Variants in PCDH7 observed in about 807,000 individuals in gnomAD.
PCDH7 encodes the protein protocadherin-7.
A neutral mutation model predicts 58.9 loss-of-function variants in PCDH7; 17 were observed. The ratio of observed to expected loss-of-function variants is 0.29; its 90% CI spans 0.20 to 0.43. The LOEUF (loss-of-function observed/expected upper bound fraction) is 0.43, where lower values mean the gene tolerates loss of function less well. Ranked by LOEUF, PCDH7 falls within the 20% of genes least tolerant of loss-of-function variation. PCDH7 has a pLI of 1.00. For missense variants in PCDH7, 1,274 were observed against 1,441.0 expected (o/e 0.88, Z 1.88); for synonymous variants, 664 against 616.4 (o/e 1.08, Z -1.14).
intron 2 of PCDH7, among the ~76,000 whole-genome samples, chr4:30,949,793 T>A (rs1313903568): frequency 6.6e-6 from 1 of 151,970 alleles, no homozygotes; most frequent in Non-Finnish European, 1.5e-5. Flanking sequence ...CATCTTATAG[T>A]TTTTTTCTGT....
rs931062234 is a variant in PCDH7 at position 31,014,041 on chromosome 4, T to C, written c.*7+63826T>C. Among the ~76,000 whole-genome samples the C allele has an allele frequency of 3.3e-5, 5 of 152,070 alleles. No homozygotes were observed. In the East Asian group the frequency reaches 9.6e-4, roughly 29 times the overall value. On this transcript the variant is annotated intron_variant, in intron 3 of 3. Transcript: ENST00000509759. The stretch of plus-strand genomic sequence containing the variant: ...AAGACTTTGGAATAAAATAGACAAA[T>C]AATTATGATTTTGGGGATAGTAAAT...
chr4:30,916,536 T>G (rs546244787), intron 1 of PCDH7, among the ~76,000 whole-genome samples: 93 of 152,348 alleles, frequency 6.1e-4, no homozygotes, highest in African/African-American at 2.2e-3. Flanking sequence ...TCACTCTTCC[T>G]CAAGCTCTTT....
intron 1 of PCDH7, among the ~76,000 whole-genome samples, chr4:30,825,967 G>T (rs1203016781): frequency 6.6e-6 from 1 of 152,000 alleles, no homozygotes; most frequent in Non-Finnish European, 1.5e-5. Context: ...GGATATAGAA[G>T]CTGTTCTCGC....
chr4:31,060,003 A>G (rs969094102), intron 3 of PCDH7, among the ~76,000 whole-genome samples: 15 of 151,742 alleles, frequency 9.9e-5, no homozygotes, highest in Non-Finnish European at 3.0e-5. Flanking sequence ...AATCATTATG[A>G]TGCCAGCTTT....
chr4:30,736,468 G>A (rs1427084558), downstream of PCDH7, among the ~76,000 whole-genome samples: 10 of 151,068 alleles, frequency 6.6e-5, no homozygotes, highest in Admixed American at 6.6e-4. Context: ...TAATAGGCCT[G>A]TGATTTTTAT....
At chr4:30,853,598 G>A (rs1308774733) in intron 1 of PCDH7, among the ~76,000 whole-genome samples, 1 of 152,038 alleles carries the variant, frequency 6.6e-6, no homozygotes, top group Non-Finnish European at 1.5e-5. Flanking sequence ...ACATGTTAGG[G>A]TATCACTAAG....
intron 3 of PCDH7, among the ~76,000 whole-genome samples, chr4:31,128,799 A>T (rs900290381): frequency 6.6e-6 from 1 of 152,162 alleles, no homozygotes; most frequent in East Asian, 1.9e-4. Context: ...AAACACTTCC[A>T]TGGGTTATTC....
chr4:30,769,937 CTT>C (rs1721191690), intron 1 of PCDH7, among the ~76,000 whole-genome samples: 1 of 152,164 alleles, frequency 6.6e-6, no homozygotes, highest in Admixed American at 6.5e-5. Context: ...ATCCTTTGTG[CTT>C]TGCACCATTA....
At chr4:30,735,016 CCTT>C (rs1247105118), downstream of PCDH7, among the ~76,000 whole-genome samples, 3 of 152,070 alleles carry the variant, frequency 2.0e-5, no homozygotes, top group East Asian at 1.9e-4. Flanking sequence ...TCCCCGCTTC[CCTT>C]CTTCTCCTTG....
At chr4:31,075,754 A>G (rs953752908) in intron 3 of PCDH7, among the ~76,000 whole-genome samples, 2 of 152,196 alleles carry the variant, frequency 1.3e-5, no homozygotes, top group Non-Finnish European at 2.9e-5. Flanking sequence ...AAATTCAACT[A>G]GGAATGTGAT....
intron 1 of PCDH7, among the ~76,000 whole-genome samples, chr4:30,911,826 G>C (rs1021972381): frequency 1.3e-5 from 2 of 151,942 alleles, no homozygotes; most frequent in African/African-American, 4.8e-5. Context: ...GGGATGGCAC[G>C]AAAAGTGACA....
chr4:30,982,502 C>A (rs906223029), intron 3 of PCDH7, among the ~76,000 whole-genome samples: 5 of 152,166 alleles, frequency 3.3e-5, no homozygotes, highest in African/African-American at 1.2e-4. Flanking sequence ...ATTGTGGTAC[C>A]ATCCAAGCAT....
At chr4:30,951,291 T>C (rs1386831773) in intron 3 of PCDH7, among the ~76,000 whole-genome samples, 1 of 152,182 alleles carries the variant, frequency 6.6e-6, no homozygotes, top group Non-Finnish European at 1.5e-5. Context: ...TATTCCATTT[T>C]TCTACTGTAT....
intron 1 of PCDH7, among the ~76,000 whole-genome samples, chr4:30,894,787 C>A (rs889878493): frequency 6.7e-6 from 1 of 150,324 alleles, no homozygotes; most frequent in Non-Finnish European, 1.5e-5. Flanking sequence ...CCTGATTTTA[C>A]GTTGTGGCTT....
intron 3 of PCDH7, among the ~76,000 whole-genome samples, chr4:31,105,832 C>A (rs951009554): frequency 8.6e-5 from 13 of 151,762 alleles, no homozygotes; most frequent in African/African-American, 3.1e-4. Context: ...ATGGTGAAAC[C>A]CCGTCTTTAC....
intron 1 of PCDH7, among the ~76,000 whole-genome samples, chr4:30,829,520 T>C (rs1033207207): frequency 2.6e-5 from 4 of 151,934 alleles, no homozygotes; most frequent in African/African-American, 9.7e-5. Flanking sequence ...AGAAGCAAAG[T>C]GTTGGTAGAG....
chr4:31,111,657 G>A (rs757690183), intron 3 of PCDH7, among the ~76,000 whole-genome samples: 20 of 152,212 alleles, frequency 1.3e-4, no homozygotes, highest in African/African-American at 4.3e-4. Flanking sequence ...GTGTGAAACA[G>A]GGTATGTTCT....
At chr4:30,771,489 G>C (rs939770135) in intron 1 of PCDH7, among the ~76,000 whole-genome samples, 1 of 152,176 alleles carries the variant, frequency 6.6e-6, no homozygotes, top group Admixed American at 6.5e-5. Flanking sequence ...ACTCGTGGGG[G>C]CTGGGGGTTA....
At chr4:30,736,835 C>A (rs563877672), downstream of PCDH7, among the ~76,000 whole-genome samples, 185 of 152,218 alleles carry the variant, frequency 1.2e-3, no homozygotes, top group Middle Eastern at 3.4e-3. Flanking sequence ...CGCGCCCGGC[C>A]ACAAATGTCA....
Sources: gnomAD v4.1 joint callset for allele counts (sites outside exome capture counted in the v4.1 genomes callset) on GRCh38, gnomAD v4.1.1 for gene constraint, MANE v1.5 for transcripts, NCBI Gene and HGNC (gene_info 2026-07-23, HGNC 2026-07-21) for gene names.